SIDT1: variants seen among roughly 807,000 people sequenced by gnomAD.
The protein encoded by SIDT1 is SID1 transmembrane family member 1, also known as SID1 transmembrane family, member 1.
SIDT1 carries 101 observed loss-of-function variants against 107.5 expected under a neutral mutation model. The ratio of observed to expected loss-of-function variants is 0.94; its 90% CI spans 0.80 to 1.11. SIDT1 has a LOEUF of 1.11. Ranked by LOEUF, SIDT1 falls within the 50% of genes least tolerant of loss-of-function variation. SIDT1 has a pLI of 0.00. For synonymous variants in SIDT1, 395 were observed against 398.2 expected, an observed-to-expected ratio of 0.99 and a Z score of 0.10; for missense variants, 1,076 against 1,058.2, an observed-to-expected ratio of 1.02 and a Z score of -0.23.
intron 1 of SIDT1, among the ~76,000 whole-genome samples, chr3:113,552,241 G>A (rs972416828): frequency 6.6e-6 from 1 of 152,190 alleles, no homozygotes; most frequent in African/African-American, 2.4e-5. Flanking sequence ...CTTCACCGGG[G>A]AGGAAGAATT....
rs1943508035 is a variant in SIDT1 at position 113,583,390 on chromosome 3, G to A, written c.748-19G>A. On this transcript the variant is annotated intron_variant, in intron 6 of 24. Transcript: ENST00000264852. ...CCTCTTTCTTACCGCCTATCATAAGGTTGTTATGTCTTATGCAGAAGAAGG... is the reference window on the plus strand; with the variant it reads ...CCTCTTTCTTACCGCCTATCATAAGATTGTTATGTCTTATGCAGAAGAAGG... The A allele has an allele frequency of 4.5e-6, 7 of 1,570,988 alleles. No individual in the cohort carries two copies. The highest frequency in any genetic ancestry group is 5.2e-6 in the Non-Finnish European group (6 of 1,147,732).
At chr3:113,556,821 C>CTTTTCT (rs781070933) in intron 1 of SIDT1, among the ~76,000 whole-genome samples, 22 of 107,638 alleles carry the variant, frequency 2.0e-4, no homozygotes, top group African/African-American at 6.8e-4. Flanking sequence ...GTTTCTTTTT[C>CTTTTCT]TTTTTTTTTT....
chr3:113,631,579 C>T (rs780334013), downstream of SIDT1, among the ~76,000 whole-genome samples: 1 of 152,094 alleles, frequency 6.6e-6, no homozygotes. Flanking sequence ...CTCCTCAATA[C>T]GAAGGCACCT....
At chr3:113,613,715 G>T (rs1945911413) in intron 19 of SIDT1, among the ~76,000 whole-genome samples, 1 of 152,168 alleles carries the variant, frequency 6.6e-6, no homozygotes, top group African/African-American at 2.4e-5. Context: ...TGTTGTTCTG[G>T]TTTCTTCCAG....
Position 113,580,712 on chromosome 3 carries a change from G to A in SIDT1, c.663+3G>A. 6.3e-7 allele frequency: 1 copy of A among 1,587,430 alleles called. No homozygotes were observed. The highest frequency in any genetic ancestry group is 8.7e-7 in the Non-Finnish European group (1 of 1,155,896). ...TTGTCTCAGTCCAGAATATCATGGTGAGTGCTGATAACTTGCCAACCTTCT... is the reference window on the plus strand; with the variant it reads ...TTGTCTCAGTCCAGAATATCATGGTAAGTGCTGATAACTTGCCAACCTTCT... On this transcript the variant is annotated splice_donor_region_variant and intron_variant, in intron 5 of 24. Coordinates refer to ENST00000264852, the MANE Select transcript of SIDT1 (RefSeq NM_017699.3).
chr3:113,583,349 G>T (rs1020788945), intron 6 of SIDT1, 60 bp from the exon 7 acceptor site: 2 of 1,292,454 alleles, frequency 1.5e-6, no homozygotes, highest in African/African-American at 2.9e-5. Flanking sequence ...TACCCCCAGG[G>T]ACTTTCTCCC....
At chr3:113,564,025 C>A in intron 1 of SIDT1, among the ~76,000 whole-genome samples, 1 of 151,922 alleles carries the variant, frequency 6.6e-6, no homozygotes, top group East Asian at 1.9e-4. Context: ...CTCAGCTCAC[C>A]GCAACCTCTG....
chr3:113,622,782 GGAAGA>G (rs1441242430), intron 21 of SIDT1, among the ~76,000 whole-genome samples: 2 of 152,128 alleles, frequency 1.3e-5, no homozygotes, highest in African/African-American at 4.8e-5. Flanking sequence ...GAAGAATGTG[GGAAGA>G]CACTTCAACA....
chr3:113,601,460 C>A, intron 10 of SIDT1, 128 bp from the exon 11 acceptor site: 1 of 644,462 alleles, frequency 1.6e-6, no homozygotes, highest in South Asian at 2.0e-5. Context: ...TTTGGTGACT[C>A]CTGTATTAGT....
chr3:113,586,764 C>T (rs1207677340), intron 9 of SIDT1, among the ~76,000 whole-genome samples: 1 of 152,172 alleles, frequency 6.6e-6, no homozygotes, highest in Non-Finnish European at 1.5e-5. Flanking sequence ...GACACAATGT[C>T]ACTTTTGTAG....
At chr3:113,553,663 C>T (rs909783529) in intron 1 of SIDT1, among the ~76,000 whole-genome samples, 3 of 152,150 alleles carry the variant, frequency 2.0e-5, no homozygotes, top group African/African-American at 4.8e-5. Flanking sequence ...CAGATACCTG[C>T]GAGGAGGCTG....
At chr3:113,622,263 G>A (rs1040740130) in intron 21 of SIDT1, among the ~76,000 whole-genome samples, 3 of 151,966 alleles carry the variant, frequency 2.0e-5, no homozygotes, top group Non-Finnish European at 4.4e-5. Flanking sequence ...AGGAGTTCAA[G>A]ACCAGCCTGG....
At chr3:113,624,236 A>G (rs1453106741) in intron 23 of SIDT1, among the ~76,000 whole-genome samples, 1 of 152,220 alleles carries the variant, frequency 6.6e-6, no homozygotes, top group Non-Finnish European at 1.5e-5. Context: ...AAGAAACCTC[A>G]TATGCATCAG....
intron 3 of SIDT1, chr3:113,567,942 A>G (rs1942075032): frequency 2.3e-6 from 1 of 438,972 alleles, no homozygotes; most frequent in Non-Finnish European, 4.0e-6. Flanking sequence ...ATCTGTTTTC[A>G]GGGATCAGTG....
chr3:113,593,321 A>T (rs1163100173), intron 10 of SIDT1, among the ~76,000 whole-genome samples: 1 of 152,166 alleles, frequency 6.6e-6, no homozygotes. Context: ...CAGGTGAGCA[A>T]GTATTACCAC....
Position 113,627,775 on chromosome 3 carries a change from C to G in SIDT1, c.*67C>G, listed in dbSNP as rs1946952965. On this transcript the variant is annotated 3_prime_UTR_variant, in exon 25 of 25. Transcript: ENST00000264852. ...TGCTGTTTCACAAAAATTACAGTGA[C>G]CACAGCAAAGTAACCACTGCCAGAT... 6.8e-7 allele frequency: 1 copy of G among 1,477,438 alleles called. No homozygotes were observed. The highest frequency in any genetic ancestry group is 1.4e-5 in the African/African-American group (1 of 72,274). The allele number at this position is 1,477,438 out of a possible 1,614,324, so 91.5% of individuals were successfully genotyped here.
At chr3:113,570,830 T>C (rs1942380752) in intron 3 of SIDT1, among the ~76,000 whole-genome samples, 1 of 152,186 alleles carries the variant, frequency 6.6e-6, no homozygotes, top group African/African-American at 2.4e-5. Flanking sequence ...ATGGAACACA[T>C]TTTGGGAACT....
chr3:113,606,138 T>C (rs955046191), intron 14 of SIDT1, among the ~76,000 whole-genome samples: 4 of 152,206 alleles, frequency 2.6e-5, no homozygotes, highest in African/African-American at 9.6e-5. Flanking sequence ...TTGAGAATCC[T>C]CATTCCTCCA....
At chr3:113,624,116 C>A (rs987863154) in intron 23 of SIDT1, among the ~76,000 whole-genome samples, 2 of 152,120 alleles carry the variant, frequency 1.3e-5, no homozygotes, top group South Asian at 2.1e-4. Context: ...ATAACAGAGC[C>A]GAAGCCTAGG....
Sources: allele counts gnomAD v4.1 joint callset (sites outside exome capture counted in the v4.1 genomes callset), GRCh38; gene constraint gnomAD v4.1.1; transcripts MANE v1.5; gene names NCBI Gene and HGNC (gene_info 2026-07-23, HGNC 2026-07-21).